EVC: variants seen among roughly 807,000 people sequenced by gnomAD.
EVC encodes EvC ciliary complex subunit 1, also known as evC complex member EVC.
In EVC, 116 loss-of-function variants were observed where a neutral mutation model predicts 118.9. That is an observed-to-expected ratio of 0.98 (90% CI 0.84 to 1.14). The LOEUF (loss-of-function observed/expected upper bound fraction) is 1.14, where lower values mean the gene tolerates loss of function less well. EVC is among the 50% of genes most tolerant of loss of function. The pLI is 0.00. For synonymous variants in EVC, 619 were observed against 534.7 expected (o/e 1.16, Z -2.18); for missense variants, 1,401 against 1,246.4 (o/e 1.12, Z -1.87).
chr4:5,723,424 C>T (rs758934655), intron 2 of EVC, among the ~76,000 whole-genome samples: 36 of 152,016 alleles, frequency 2.4e-4, no homozygotes, highest in Non-Finnish European at 4.7e-4. Context: ...CTCCTGACCT[C>T]GTGATCTGCC....
intron 2 of EVC, among the ~76,000 whole-genome samples, chr4:5,720,657 G>T (rs1005091567): frequency 6.6e-6 from 1 of 152,220 alleles, no homozygotes; most frequent in Non-Finnish European, 1.5e-5. Context: ...TCCCTGGCTG[G>T]TGGGATCCCT....
chr4:5,801,015 T>G (rs983485512), intron 15 of EVC, among the ~76,000 whole-genome samples: 1 of 152,234 alleles, frequency 6.6e-6, no homozygotes, highest in African/African-American at 2.4e-5. Context: ...AGGAAAAGAA[T>G]GATAACTTTG....
In EVC at chr4:5,811,094, C is replaced by T. The variant is rs1217588242; in HGVS notation, c.*57C>T. The T allele has an allele frequency of 1.4e-6, 2 of 1,411,518 alleles. No homozygotes were observed. The highest frequency in any genetic ancestry group is 1.4e-5 in the African/African-American group (1 of 70,168). The allele number at this position is 1,411,518 out of a possible 1,614,324, so 87.4% of individuals were successfully genotyped here. A position where few individuals can be genotyped will look rare whatever the true frequency, so the allele number is the denominator to read the frequency against. ...GCCCTGGGTCTGGGTGTGAATTCCA[C>T]CTTCCCTCCTGCAGTGCTGAGAGGC... is the stretch of plus-strand genomic sequence containing the variant. On this transcript the variant is annotated 3_prime_UTR_variant, in exon 21 of 21. Coordinates refer to ENST00000264956, the MANE Select transcript of EVC (RefSeq NM_153717.3).
chr4:5,787,836 C>T (rs538385553), intron 12 of EVC, among the ~76,000 whole-genome samples: 1 of 152,210 alleles, frequency 6.6e-6, no homozygotes, highest in African/African-American at 2.4e-5. Flanking sequence ...GGCTCTGCAC[C>T]CCACTCCGGG....
Position 5,731,963 on chromosome 4 carries a change from G to A in EVC, c.617+306G>A, listed in dbSNP as rs969636896. Among the ~76,000 whole-genome samples, 31 of 142,322 alleles carry A rather than the reference G, an allele frequency of 2.2e-4. No individual in the cohort carries two copies. The highest frequency in any genetic ancestry group is 7.1e-4 in the African/African-American group (29 of 40,748). 93.4% of individuals were successfully genotyped at this position (142,322 alleles called of 152,430 possible). On this transcript the variant is annotated intron_variant, in intron 4 of 20. Coordinates refer to ENST00000264956, the MANE Select transcript of EVC (RefSeq NM_153717.3). The surrounding 1 kb of genome is among the most constrained non-coding windows in gnomAD (Gnocchi z 5.6). Reference sequence around the variant, plus strand: ...GATTAAGTGGGTACTTCTGAGTACCGGGCAGAGTGCTAAGCACTTTACAGG... The same window carrying A: ...GATTAAGTGGGTACTTCTGAGTACCAGGCAGAGTGCTAAGCACTTTACAGG...
intron 8 of EVC, chr4:5,752,609 A>C: frequency 3.3e-6 from 2 of 611,322 alleles, no homozygotes; most frequent in Non-Finnish European, 2.9e-6. Context: ...CTACATGCTA[A>C]GCTGCGTCAG....
At chr4:5,784,308 AG>A (rs890559965) in intron 12 of EVC, among the ~76,000 whole-genome samples, 11 of 152,168 alleles carry the variant, frequency 7.2e-5, no homozygotes, top group African/African-American at 2.7e-4. Flanking sequence ...TACAGGAGAC[AG>A]GCAGAAGGGT....
chr4:5,818,865 A>G (rs1200880411), downstream of EVC, among the ~76,000 whole-genome samples: 2 of 152,182 alleles, frequency 1.3e-5, no homozygotes, highest in Non-Finnish European at 2.9e-5. Context: ...ATGGACTAAG[A>G]CAGAAAATCG....
chr4:5,728,821 C>T (rs1259497876), intron 2 of EVC, among the ~76,000 whole-genome samples: 1 of 152,188 alleles, frequency 6.6e-6, no homozygotes, highest in Non-Finnish European at 1.5e-5. Context: ...AGGAGACTCT[C>T]TTGTTAATTA....
rs1410684370 is a variant in EVC at position 5,746,878 on chromosome 4, CT to C, written c.940-1267del. On this transcript the variant is annotated intron_variant, in intron 7 of 20. Coordinates refer to ENST00000264956, the MANE Select transcript of EVC (RefSeq NM_153717.3). The surrounding 1 kb of genome is among the most constrained non-coding windows in gnomAD (Gnocchi z 5.8). ...GAAAGCAGAGGAGGAATTGGATGGG[CT>C]TTGCAGAAGCAGGAGAAAATCATGT... 6.6e-6 allele frequency among the ~76,000 whole-genome samples: 1 copy of C among 152,084 alleles called. No homozygotes were observed. Among genetic ancestry groups the C allele is most frequent in the African/African-American group, 2.4e-5 (1 of 41,410 alleles).
intron 11 of EVC, among the ~76,000 whole-genome samples, chr4:5,763,590 G>A (rs1044381097): frequency 7.9e-6 from 1 of 127,298 alleles, no homozygotes; most frequent in African/African-American, 3.0e-5. Context: ...GCAGTGGTTT[G>A]TAGTTCTCCT....
At chr4:5,825,183 T>C in the EVC span, 13 of 985,398 alleles carry the variant, frequency 1.3e-5, no homozygotes, top group Non-Finnish European at 1.6e-5. This position sits in a 1 kb window ranked among gnomAD's most constrained non-coding sequence, Gnocchi z 4.4. Context: ...ATGTTTACTT[T>C]CATGAGGAAG....
At chr4:5,762,059 ACCC>A (rs1732131988) in intron 11 of EVC, among the ~76,000 whole-genome samples, 2 of 86,716 alleles carry the variant, frequency 2.3e-5, no homozygotes, top group Non-Finnish European at 4.7e-5. Context: ...CCCCACCCCC[ACCC>A]CACATCAGTC....
chr4:5,720,551 G>C (rs1724776619), intron 2 of EVC, among the ~76,000 whole-genome samples: 1 of 152,204 alleles, frequency 6.6e-6, no homozygotes, highest in African/African-American at 2.4e-5. Context: ...GTGGGCTCGG[G>C]ATATAAAAAC....
At chr4:5,804,696 A>T (rs750602815) in intron 16 of EVC, 34 bp from the exon 17 acceptor site, 6 of 1,599,058 alleles carry the variant, frequency 3.8e-6, no homozygotes, top group Non-Finnish European at 5.1e-6. Context: ...TCCTCCAAAC[A>T]GACCCCTTGA....
chr4:5,751,753 G>A (rs900267463), intron 8 of EVC, among the ~76,000 whole-genome samples: 1 of 152,020 alleles, frequency 6.6e-6, no homozygotes, highest in African/African-American at 2.4e-5. Flanking sequence ...GACCAGTGAG[G>A]GTGGGGACAA....
At chr4:5,759,860 C>G (rs1291572546) in intron 11 of EVC, among the ~76,000 whole-genome samples, 1 of 152,180 alleles carries the variant, frequency 6.6e-6, no homozygotes, top group Non-Finnish European at 1.5e-5. Context: ...GACACGCGCC[C>G]AAGGGGGTCC....
intron 11 of EVC, among the ~76,000 whole-genome samples, chr4:5,783,308 CTG>C (rs1735913732): frequency 6.7e-6 from 1 of 148,196 alleles, no homozygotes; most frequent in African/African-American, 2.4e-5. Context: ...GTGCATGTGT[CTG>C]TGTGTACAAG....
intron 11 of EVC, among the ~76,000 whole-genome samples, chr4:5,782,351 A>G (rs373660706): frequency 2.3e-4 from 34 of 150,308 alleles, no homozygotes; most frequent in African/African-American, 7.8e-4. Context: ...CTGGGATTAC[A>G]AGCGTGAGCC....
Sources: allele counts gnomAD v4.1 joint callset (sites outside exome capture counted in the v4.1 genomes callset), GRCh38; gene constraint gnomAD v4.1.1; non-coding constraint Gnocchi (gnomAD v3.1); transcripts MANE v1.5; gene names NCBI Gene and HGNC (gene_info 2026-07-23, HGNC 2026-07-21).